Variants in APPL1 observed in about 807,000 individuals in gnomAD.
APPL1 encodes the protein DCC-interacting protein 13-alpha.
In APPL1, 42 loss-of-function variants were observed where a neutral mutation model predicts 106.8. That is an observed-to-expected ratio of 0.39 (90% confidence interval 0.31 to 0.51). The LOEUF is 0.51. APPL1 is among the 20% of genes least tolerant of loss of function. APPL1 has a pLI of 0.75. For missense variants in APPL1, 769 were observed against 858.2 expected, an observed-to-expected ratio of 0.90 and a Z score of 1.30; for synonymous variants, 263 against 281.8, an observed-to-expected ratio of 0.93 and a Z score of 0.67.
chr3:57,252,548 A>G (rs1352864691), intron 12 of APPL1, among the ~76,000 whole-genome samples: 1 of 152,218 alleles, frequency 6.6e-6, no homozygotes, highest in African/African-American at 2.4e-5. Flanking sequence ...TTAAAGGCTC[A>G]GATTGAGAAA....
At chr3:57,262,912 G>T (rs372116680) in intron 19 of APPL1, among the ~76,000 whole-genome samples, 4 of 148,974 alleles carry the variant, frequency 2.7e-5, no homozygotes, top group African/African-American at 9.9e-5. Context: ...GTGCAATGGC[G>T]CGATCTTGGC....
At position 57,253,663 on chromosome 3, in the gene APPL1, C is replaced by T. The variant is rs2060817759; in HGVS notation, c.1096-19C>T. ...TTTGTAGAAAAAAAATTATATTTTT[C>T]TATTTTTTCCTCTTGCAGTGGATCT... On this transcript the variant is annotated intron_variant, in intron 12 of 21. Coordinates refer to ENST00000288266, the MANE Select transcript of APPL1 (RefSeq NM_012096.3). 1 of 1,406,056 alleles carries T rather than the reference C, an allele frequency of 7.1e-7. No homozygotes were observed. The highest frequency in any genetic ancestry group is 1.5e-5 in the African/African-American group (1 of 65,910). 87.1% of individuals were successfully genotyped at this position (1,406,056 alleles called of 1,614,324 possible).
In APPL1 at chr3:57,269,785, T is replaced by A; in HGVS notation, c.*98T>A. On this transcript the variant is annotated 3_prime_UTR_variant, in exon 22 of 22. Coordinates refer to ENST00000288266, the MANE Select transcript of APPL1 (RefSeq NM_012096.3). ...TATGTTGAAATATCAAGGAGGAGAT[T>A]AAGCTTTATATTTGCTTATTTGTTG... The A allele has an allele frequency of 7.5e-7, 1 of 1,340,088 alleles. No individual in the cohort carries two copies. Among genetic ancestry groups the A allele is most frequent in the Non-Finnish European group, 1.0e-6 (1 of 966,154 alleles). 83.0% of individuals were successfully genotyped at this position (1,340,088 alleles called of 1,614,324 possible).
At chr3:57,233,690 T>C (rs2060701187) in intron 1 of APPL1, among the ~76,000 whole-genome samples, 1 of 152,174 alleles carries the variant, frequency 6.6e-6, no homozygotes, top group African/African-American at 2.4e-5. Context: ...CTTACTGGCA[T>C]CATGATTTTG....
Position 57,259,855 on chromosome 3 carries a change from T to C in APPL1, c.1494T>C (p.Leu498=). 6.3e-7 allele frequency: 1 copy of C among 1,594,040 alleles called. No homozygotes were observed. Among genetic ancestry groups the C allele is most frequent in the Non-Finnish European group, 8.5e-7 (1 of 1,173,314 alleles). ...CTTGTTCTATTATAGATTCTATTCT[T>C]CATCAGTTATTTATTGTCCGATTCC... ...STKSETEDSI[L]HQLFIVRFLG... The change falls in exon 17 of 22, where the codon CTT becomes CTC. Residue 498 remains leucine (L), a synonymous_variant. Coordinates refer to ENST00000288266, the MANE Select transcript of APPL1 (RefSeq NM_012096.3).
At chr3:57,256,115 G>A (rs970974016) in intron 13 of APPL1, among the ~76,000 whole-genome samples, 21 of 152,118 alleles carry the variant, frequency 1.4e-4, no homozygotes, top group Non-Finnish European at 2.4e-4. Flanking sequence ...AGGCTGAGGG[G>A]GGAGGATTGT....
At chr3:57,232,169 T>A (rs1479602573) in intron 1 of APPL1, among the ~76,000 whole-genome samples, 1 of 152,234 alleles carries the variant, frequency 6.6e-6, no homozygotes, top group Admixed American at 6.5e-5. Context: ...GAAAATTAAT[T>A]GATTTTATAT....
At chr3:57,240,621 CTG>C (rs1023163101) in intron 5 of APPL1, 69 bp downstream of exon 5, 1 of 1,340,222 alleles carries the variant, frequency 7.5e-7, no homozygotes, top group Non-Finnish European at 1.1e-6. Flanking sequence ...GCATATTACT[CTG>C]TACTTACACC....
intron 8 of APPL1, among the ~76,000 whole-genome samples, 154 bp from the exon 9 acceptor site, chr3:57,247,241 G>A (rs1168914905): frequency 6.6e-6 from 1 of 152,144 alleles, no homozygotes; most frequent in Non-Finnish European, 1.5e-5. Context: ...CTGTGCAGTA[G>A]AAGTCACAAA....
intron 2 of APPL1, among the ~76,000 whole-genome samples, chr3:57,235,942 G>A (rs2060714044): frequency 6.6e-6 from 1 of 152,060 alleles, no homozygotes; most frequent in Non-Finnish European, 1.5e-5. Context: ...TAAACTCACT[G>A]ATAGTGATCT....
chr3:57,248,875 A>G (rs1192159990), intron 10 of APPL1, among the ~76,000 whole-genome samples: 1 of 152,310 alleles, frequency 6.6e-6, no homozygotes, highest in East Asian at 1.9e-4. Context: ...GTCTCAAAAA[A>G]AAAAATGAAG....
chr3:57,236,198 G>GC (rs1157186258), intron 2 of APPL1, among the ~76,000 whole-genome samples: 1 of 151,012 alleles, frequency 6.6e-6, no homozygotes, highest in Non-Finnish European at 1.5e-5. Context: ...GCATGCACCA[G>GC]CACGCCTGGC....
chr3:57,246,237 G>A lies in APPL1; in HGVS notation c.621+15G>A. ...TGCAAGCTCAGGTAAATACTGTACT[G>A]TATTTGGATTATAACTGTCCTAAAA... On this transcript the variant is annotated intron_variant, in intron 8 of 21. Transcript: ENST00000288266. The A allele has an allele frequency of 6.4e-7, 1 of 1,557,502 alleles. No individual in the cohort carries two copies. The highest frequency in any genetic ancestry group is 8.6e-7 in the Non-Finnish European group (1 of 1,157,192).
chr3:57,267,764 C>T lies in APPL1; in HGVS notation c.1865C>T (p.Ala622Val). ...TAGATATGTGATTCTGTTGGACTGG[C>T]AAAACAGATAGCTTTGCATGCTGAA... ...GEKICDSVGL[A>V]KQIALHAELD... is the part of the protein sequence containing the mutation. Residue 622 changes from alanine to valine, a missense_variant, in exon 20 of 22, where the codon GCA (alanine) becomes GTA (valine). By Grantham distance (64) the Ala-to-Val change is moderately conservative (BLOSUM62 0). Transcript: ENST00000288266. 1 of 1,613,798 alleles carries T rather than the reference C, an allele frequency of 6.2e-7. No homozygotes were observed. The highest frequency in any genetic ancestry group is 1.1e-5 in the South Asian group (1 of 91,072).
At chr3:57,237,696 T>A in intron 3 of APPL1, 145 bp downstream of exon 3, 1 of 595,962 alleles carries the variant, frequency 1.7e-6, no homozygotes, top group Non-Finnish European at 2.9e-6. Context: ...CAGATAATTT[T>A]AATGATTTAA....
At position 57,255,517 on chromosome 3, in the gene APPL1, C is replaced by T. The variant is rs150423999; in HGVS notation, c.1153-1440C>T. Among the ~76,000 whole-genome samples the T allele has an allele frequency of 9.2e-4, 140 of 152,246 alleles. 1 individual carries two copies. The highest frequency in any genetic ancestry group is 3.1e-3 in the African/African-American group (127 of 41,540). On this transcript the variant is annotated intron_variant, in intron 13 of 21. Coordinates refer to ENST00000288266, the MANE Select transcript of APPL1 (RefSeq NM_012096.3). ...AAGAAGAGTTCTGTTTTTATCTTAA[C>T]GGCTTTGAGGTGCCAGCTAAGGAAT...
chr3:57,261,890 G>A (rs2060868405), intron 19 of APPL1, among the ~76,000 whole-genome samples: 1 of 152,168 alleles, frequency 6.6e-6, no homozygotes, highest in Non-Finnish European at 1.5e-5. Flanking sequence ...CCCACCAACA[G>A]TGTATGAGTT....
chr3:57,257,014 T>C lies in APPL1; in HGVS notation c.1210T>C (p.Phe404Leu), dbSNP rs770118573. Residue 404 changes from phenylalanine to leucine, a missense_variant, in exon 14 of 22, where the codon TTC (phenylalanine) becomes CTC (leucine). Coordinates refer to ENST00000288266, the MANE Select transcript of APPL1 (RefSeq NM_012096.3). ...GGAAGCTGTCACTCCTTCCCCATCT[T>C]TCCAGCAGAGGCACGAGAGCCTGCG... The part of the protein sequence containing the change: ...ALEAVTPSPS[F>L]QQRHESLRPA... 9 of 1,614,188 alleles carry C rather than the reference T, an allele frequency of 5.6e-6. No individual in the cohort carries two copies. The Admixed American group carries it at 1.5e-4, about 27-fold the overall frequency.
Position 57,238,063 on chromosome 3 carries a change from G to T in APPL1, c.232G>T (p.Asp78Tyr), listed in dbSNP as rs1027463343. The T allele has an allele frequency of 5.6e-6, 9 of 1,611,282 alleles. No individual in the cohort carries two copies. Among genetic ancestry groups the T allele is most frequent in the Admixed American group, 3.3e-5 (2 of 59,714 alleles). ...TTTTCAGCGTTTTCCATTGGGAGGT[G>T]ATGATGAAGTTATGAGCTCTACATT... Reference protein sequence around the residue: ...YEKQRFPLGGDDEVMSSTLQQ... With the variant: ...YEKQRFPLGGYDEVMSSTLQQ... The change falls in exon 4 of 22, where the codon GAT (aspartate) becomes TAT (tyrosine). Residue 78 changes from aspartate (D) to tyrosine (Y), a missense_variant. Transcript: ENST00000288266.
Sources: gnomAD v4.1 joint callset for allele counts (sites outside exome capture counted in the v4.1 genomes callset) on GRCh38, gnomAD v4.1.1 for gene constraint, MANE v1.5 for transcripts, NCBI Gene and HGNC (gene_info 2026-07-23, HGNC 2026-07-21) for gene names.